CHRDL2: variants seen among roughly 807,000 people sequenced by gnomAD.
CHRDL2 encodes the protein chordin-like protein 2.
Under a neutral mutation model 54.3 loss-of-function variants are expected in CHRDL2, and 41 were observed. The ratio of observed to expected loss-of-function variants is 0.76; its 90% CI spans 0.59 to 0.98. CHRDL2 has a LOEUF of 0.98. CHRDL2 is among the 50% of genes least tolerant of loss of function. The probability of loss-of-function intolerance (pLI) is 0.00; values close to 1 mark genes in which losing one functional copy is unlikely to be tolerated. For missense variants in CHRDL2, 518 were observed against 562.4 expected, an observed-to-expected ratio of 0.92 and a Z score of 0.80; for synonymous variants, 220 against 224.3, an observed-to-expected ratio of 0.98 and a Z score of 0.17.
At chr11:74,711,375 G>A (rs888367371) in intron 3 of CHRDL2, among the ~76,000 whole-genome samples, 1 of 152,232 alleles carries the variant, frequency 6.6e-6, no homozygotes, top group Non-Finnish European at 1.5e-5. Flanking sequence ...TCTAGGTGCT[G>A]GGGATACAGC....
At chr11:74,708,006 G>C (rs1035804354) in intron 5 of CHRDL2, among the ~76,000 whole-genome samples, 3 of 152,130 alleles carry the variant, frequency 2.0e-5, no homozygotes, top group Non-Finnish European at 4.4e-5. Flanking sequence ...CTTTTGCTTG[G>C]TTAGCAAGCA....
intron 2 of CHRDL2, among the ~76,000 whole-genome samples, chr11:74,716,090 G>A (rs2034342884): frequency 1.3e-5 from 2 of 152,214 alleles, no homozygotes; most frequent in African/African-American, 2.4e-5. Flanking sequence ...AAACATTTGT[G>A]TTATGAACTG....
Position 74,701,681 on chromosome 11 carries a change from G to A in CHRDL2, c.1120+1113C>T, listed in dbSNP as rs755796585. 3 of 694,940 alleles carry A rather than the reference G, an allele frequency of 4.3e-6. No individual in the cohort carries two copies. In the South Asian group the frequency reaches 4.6e-5, roughly 11 times the overall value. The allele number at this position is 694,940 out of a possible 1,614,324, so 43.0% of individuals were successfully genotyped here. A position where few individuals can be genotyped will look rare whatever the true frequency, so the allele number is the denominator to read the frequency against. Reference sequence around the variant, plus strand: ...GGGGATAATAATATCTAACTCTCAGGATCGTTGAGGATCAAATGAGATAGT... The same window carrying A: ...GGGGATAATAATATCTAACTCTCAGAATCGTTGAGGATCAAATGAGATAGT... On this transcript the variant is annotated intron_variant, in intron 9 of 10. Coordinates refer to ENST00000376332, the MANE Select transcript of CHRDL2 (RefSeq NM_001278473.3).
In CHRDL2 at chr11:74,710,899, C is replaced by CA; in HGVS notation, c.381dup (p.Glu128Ter). 6.2e-7 allele frequency: 1 copy of CA among 1,614,132 alleles called. No individual in the cohort carries two copies. The highest frequency in any genetic ancestry group is 8.5e-7 in the Non-Finnish European group (1 of 1,180,016). On this transcript the variant is annotated frameshift_variant, in exon 4 of 11. Coordinates refer to ENST00000376332, the MANE Select transcript of CHRDL2 (RefSeq NM_001278473.3). LOFTEE classifies it high-confidence loss of function. ...TTGGGCAGGCGGGAGGGGAACAGCT[C>CA]ATGGGCACTGAAGATCTCTCCGTGT...
intron 9 of CHRDL2, chr11:74,701,116 G>C (rs2135233182): frequency 6.5e-6 from 1 of 153,156 alleles, no homozygotes; most frequent in African/African-American, 2.4e-5. Context: ...GCTGAAAGCT[G>C]CCTCTCTGCA....
At chr11:74,720,719 T>C (rs2034483109) in intron 1 of CHRDL2, among the ~76,000 whole-genome samples, 2 of 152,134 alleles carry the variant, frequency 1.3e-5, no homozygotes, top group African/African-American at 2.4e-5. Flanking sequence ...ATGAGTTGGG[T>C]GGGGTGAGCG....
intron 7 of CHRDL2, among the ~76,000 whole-genome samples, chr11:74,704,004 ACTT>A (rs1489107710): frequency 1.3e-5 from 2 of 151,890 alleles, no homozygotes; most frequent in Admixed American, 1.3e-4. Flanking sequence ...CACCTTCTCT[ACTT>A]CATCCCCACT....
At chr11:74,704,095 C>T (rs1324972401) in intron 7 of CHRDL2, among the ~76,000 whole-genome samples, 1 of 152,182 alleles carries the variant, frequency 6.6e-6, no homozygotes, top group Non-Finnish European at 1.5e-5. Context: ...ATATTAAAGT[C>T]ATTTATTTAC....
At chr11:74,728,311 C>T (rs1401592337) in intron 1 of CHRDL2, among the ~76,000 whole-genome samples, 1 of 152,148 alleles carries the variant, frequency 6.6e-6, no homozygotes. Context: ...CACCAGATTT[C>T]TGACCCACAA....
chr11:74,702,075 A>G (rs531868695), intron 9 of CHRDL2, among the ~76,000 whole-genome samples: 225 of 152,146 alleles, frequency 1.5e-3, no homozygotes, highest in Non-Finnish European at 2.6e-3. Context: ...GCAACATGGC[A>G]AAACCCCATC....
chr11:74,696,540 G>A lies in CHRDL2; in HGVS notation c.1259C>T (p.Thr420Met), dbSNP rs140831310. The A allele has an allele frequency of 2.5e-5, 40 of 1,614,068 alleles. No individual in the cohort carries two copies. Among genetic ancestry groups the A allele is most frequent in the African/African-American group, 2.1e-4 (16 of 75,048 alleles). The change falls in exon 11 of 11, where the codon ACG (threonine) becomes ATG (methionine). Residue 420 changes from threonine to methionine, a missense_variant. Physicochemically the swap from Thr to Met is moderately conservative, Grantham distance 81 (BLOSUM62 -1). Coordinates refer to ENST00000376332, the MANE Select transcript of CHRDL2 (RefSeq NM_001278473.3). ...FLAQTLELKV[T>M]ASPDKVTKT ...CTTGGTCACTTTGTCTGGACTGGCC[G>A]TGACCTTCAGCTCCAGGGTCTGGGC...
intron 7 of CHRDL2, 102 bp downstream of exon 7, chr11:74,704,384 G>T: frequency 8.9e-7 from 1 of 1,122,922 alleles, no homozygotes; most frequent in Non-Finnish European, 1.3e-6. Context: ...TTGGAATTAG[G>T]GAACTGCTGA....
intron 1 of CHRDL2, among the ~76,000 whole-genome samples, chr11:74,721,171 G>A (rs2034493204): frequency 7.0e-6 from 1 of 143,262 alleles, no homozygotes; most frequent in African/African-American, 2.4e-5. Context: ...GGGCCCAGCT[G>A]GGGTGCTGGT....
rs770338047 is a variant in CHRDL2, at chr11:74,713,354, C to T, written c.289+32G>A. On this transcript the variant is annotated intron_variant, in intron 3 of 10. Transcript: ENST00000376332. ...CTACACTGGGAGTAGGAGAAAGGTC[C>T]ATGGACGATGGGGAGGAGCATGGCT... 9 of 1,586,454 alleles carry T rather than the reference C, an allele frequency of 5.7e-6. No individual in the cohort carries two copies. In the South Asian group the frequency reaches 8.9e-5, roughly 16 times the overall value.
chr11:74,718,967 G>A, intron 1 of CHRDL2, 135 bp from the exon 2 acceptor site: 1 of 621,384 alleles, frequency 1.6e-6, no homozygotes, highest in Non-Finnish European at 2.9e-6. Flanking sequence ...CTAGACAACT[G>A]GGCATGCTCT....
At chr11:74,710,756 A>G in intron 4 of CHRDL2, 93 bp downstream of exon 4, 2 of 1,452,056 alleles carry the variant, frequency 1.4e-6, no homozygotes. Flanking sequence ...TTTGGCCAGG[A>G]GGAACAATCC....
At chr11:74,716,540 C>CAAAA (rs751918696) in intron 2 of CHRDL2, among the ~76,000 whole-genome samples, 2 of 57,578 alleles carry the variant, frequency 3.5e-5, no homozygotes, top group African/African-American at 7.0e-5. Flanking sequence ...ACTCCATCTC[C>CAAAA]AAAAAAAAAA....
At chr11:74,705,193 C>T (rs965617306) in intron 6 of CHRDL2, among the ~76,000 whole-genome samples, 2 of 152,160 alleles carry the variant, frequency 1.3e-5, no homozygotes, top group African/African-American at 4.8e-5. Flanking sequence ...GCTCTCTTTC[C>T]TGAACCCCTG....
chr11:74,709,787 A>C (rs1293518275), intron 4 of CHRDL2, among the ~76,000 whole-genome samples: 2 of 152,176 alleles, frequency 1.3e-5, no homozygotes, highest in Non-Finnish European at 2.9e-5. Flanking sequence ...AGAGAACATT[A>C]ATGATCACTT....
Sources: gnomAD v4.1 joint callset for allele counts (sites outside exome capture counted in the v4.1 genomes callset) on GRCh38, gnomAD v4.1.1 for gene constraint, MANE v1.5 for transcripts, NCBI Gene and HGNC (gene_info 2026-07-23, HGNC 2026-07-21) for gene names.